The following ARHGAP15 variants were observed in gnomAD, a reference collection of about 807,000 sequenced individuals.
ARHGAP15 encodes Rho GTPase activating protein 15.
ARHGAP15 carries 51 observed loss-of-function variants against 63.7 expected under a neutral mutation model. The ratio of observed to expected loss-of-function variants is 0.80; its 90% CI spans 0.64 to 1.01. ARHGAP15 has a LOEUF of 1.01. ARHGAP15 is among the 50% of genes least tolerant of loss of function. The pLI is 0.00. For missense variants in ARHGAP15, 560 were observed against 564.6 expected, an observed-to-expected ratio of 0.99 and a Z score of 0.08; for synonymous variants, 191 against 193.8, an observed-to-expected ratio of 0.99 and a Z score of 0.12.
At chr2:143,143,496 C>T (rs1313939185) in intron 1 of ARHGAP15, among the ~76,000 whole-genome samples, 1 of 150,174 alleles carries the variant, frequency 6.7e-6, no homozygotes, top group Non-Finnish European at 1.5e-5. Flanking sequence ...CCTGAGGATA[C>T]ATAATTTTGT....
chr2:143,413,723 C>T (rs1370892751), intron 6 of ARHGAP15, among the ~76,000 whole-genome samples: 1 of 152,146 alleles, frequency 6.6e-6, no homozygotes, highest in Non-Finnish European at 1.5e-5. Flanking sequence ...ATCCTCCCAC[C>T]TTGACCTCCC....
At chr2:143,236,268 T>C (rs1693640821) in intron 5 of ARHGAP15, 1 of 244,074 alleles carries the variant, frequency 4.1e-6, no homozygotes, top group East Asian at 7.8e-5. Context: ...AATAAAACCA[T>C]GACTAAAGTG....
intron 6 of ARHGAP15, among the ~76,000 whole-genome samples, chr2:143,407,678 T>A (rs962471234): frequency 4.0e-5 from 6 of 151,758 alleles, no homozygotes; most frequent in African/African-American, 1.4e-4. Flanking sequence ...TTCAAAATCT[T>A]TGATTTCATT....
At chr2:143,313,482 C>G (rs1405779926) in intron 6 of ARHGAP15, among the ~76,000 whole-genome samples, 1 of 152,158 alleles carries the variant, frequency 6.6e-6, no homozygotes, top group Non-Finnish European at 1.5e-5. Flanking sequence ...TGTGTCACCT[C>G]AGACAACTTC....
At chr2:143,556,358 C>A in intron 10 of ARHGAP15, 50 bp from the exon 11 acceptor site, 3 of 1,359,114 alleles carry the variant, frequency 2.2e-6, no homozygotes, top group South Asian at 1.4e-5. Flanking sequence ...TTTTTTAAAC[C>A]ATCTCAATTC....
At chr2:143,589,430 C>T (rs1697238926) in intron 11 of ARHGAP15, among the ~76,000 whole-genome samples, 1 of 152,174 alleles carries the variant, frequency 6.6e-6, no homozygotes, top group Non-Finnish European at 1.5e-5. Flanking sequence ...TTTATGTTAT[C>T]TCATTTAGTA....
At chr2:143,467,242 C>CTTTTTTTTTTTTTTTTT (rs202115707) in intron 8 of ARHGAP15, among the ~76,000 whole-genome samples, 13 of 57,916 alleles carry the variant, frequency 2.2e-4, no homozygotes, top group East Asian at 4.8e-4. Flanking sequence ...ACTCCATGGC[C>CTTTTTTTTTTTTTTTTT]TTTTTTTTTT....
intron 6 of ARHGAP15, among the ~76,000 whole-genome samples, chr2:143,356,128 A>G (rs1426480381): frequency 1.3e-5 from 2 of 152,076 alleles, no homozygotes. Flanking sequence ...TTTCATCCGA[A>G]GAGATAGTGT....
Position 143,519,400 on chromosome 2 carries a change from C to CAATG in ARHGAP15, c.925+36_925+37insAATG, listed in dbSNP as rs755361696. ...GAATGTGCAGCAGTTCCCCCCATTACTGCACCCTCTACACAACCAATACTC... is the reference window on the plus strand; with the variant it reads ...GAATGTGCAGCAGTTCCCCCCATTACAATGTGCACCCTCTACACAACCAATACTC... On this transcript the variant is annotated intron_variant, in intron 10 of 13. Coordinates refer to ENST00000295095, the MANE Select transcript of ARHGAP15 (RefSeq NM_018460.4). 4 of 1,522,500 alleles carry CAATG rather than the reference C, an allele frequency of 2.6e-6. No homozygotes were observed. The South Asian group carries it at 3.4e-5, about 13-fold the overall frequency. The allele number at this position is 1,522,500 out of a possible 1,614,324, so 94.3% of individuals were successfully genotyped here. A position where few individuals can be genotyped will look rare whatever the true frequency, so the allele number is the denominator to read the frequency against.
At chr2:143,286,382 A>G (rs1682101057) in intron 6 of ARHGAP15, among the ~76,000 whole-genome samples, 1 of 152,214 alleles carries the variant, frequency 6.6e-6, no homozygotes, top group Non-Finnish European at 1.5e-5. Context: ...CATTTTACAC[A>G]CATAAAATAC....
intron 2 of ARHGAP15, among the ~76,000 whole-genome samples, chr2:143,173,040 T>G (rs1042195867): frequency 1.3e-5 from 2 of 151,926 alleles, no homozygotes; most frequent in Non-Finnish European, 2.9e-5. Flanking sequence ...TGAATTTCAA[T>G]AAAGAAGGGG....
At chr2:143,416,821 A>G (rs980640467) in intron 6 of ARHGAP15, among the ~76,000 whole-genome samples, 5 of 73,836 alleles carry the variant, frequency 6.8e-5, no homozygotes, top group African/African-American at 1.8e-4. Flanking sequence ...TTCCCCCACC[A>G]CCCCCCCACC....
Position 143,470,900 on chromosome 2 carries a change from G to GTA in ARHGAP15, c.704-16464_704-16463dup, listed in dbSNP as rs750541964. 1.0e-4 allele frequency among the ~76,000 whole-genome samples: 15 copies of GTA among 148,276 alleles called. No individual in the cohort carries two copies. In the East Asian group the frequency reaches 3.0e-3, roughly 30 times the overall value. ...TATATATACACGTATATTTATGTGT[G>GTA]TATATATATACACGTATGTGTATAT... On this transcript the variant is annotated intron_variant, in intron 8 of 13. Coordinates refer to ENST00000295095, the MANE Select transcript of ARHGAP15 (RefSeq NM_018460.4).
chr2:143,666,344 G>A (rs1429666036), intron 12 of ARHGAP15, among the ~76,000 whole-genome samples: 2 of 152,040 alleles, frequency 1.3e-5, no homozygotes, highest in Non-Finnish European at 2.9e-5. Flanking sequence ...AATAAATGGT[G>A]CTGGGATAAC....
Position 143,340,690 on chromosome 2 carries a change from C to T in ARHGAP15, c.474+90090C>T, listed in dbSNP as rs1441097790. Among the ~76,000 whole-genome samples the T allele has an allele frequency of 1.3e-4, 20 of 152,050 alleles. 1 individual carries two copies. Among genetic ancestry groups the T allele is most frequent in the Non-Finnish European group, 1.5e-5 (1 of 68,020 alleles). On this transcript the variant is annotated intron_variant, in intron 6 of 13. Transcript: ENST00000295095. Reference sequence around the variant, plus strand: ...CAGAGATTGCCGGAATGCTGATTCTCATAACAAAGGCCACCAATAGGCTCA... The same window carrying T: ...CAGAGATTGCCGGAATGCTGATTCTTATAACAAAGGCCACCAATAGGCTCA...
At chr2:143,249,509 T>G (rs193066785) in intron 5 of ARHGAP15, among the ~76,000 whole-genome samples, 2 of 152,154 alleles carry the variant, frequency 1.3e-5, no homozygotes, top group African/African-American at 4.8e-5. Flanking sequence ...ATAAGCTTCA[T>G]ATACTAAAAT....
At chr2:143,210,153 C>G (rs138441185) in intron 3 of ARHGAP15, among the ~76,000 whole-genome samples, 209 of 152,120 alleles carry the variant, frequency 1.4e-3, no homozygotes, top group Middle Eastern at 0.014. Context: ...ACATCAAAGA[C>G]ACAAATAAAT....
chr2:143,645,000 CA>C (rs1181788772), intron 12 of ARHGAP15, among the ~76,000 whole-genome samples: 2 of 152,012 alleles, frequency 1.3e-5, no homozygotes, highest in African/African-American at 4.8e-5. Context: ...CCACTTCGTA[CA>C]GTGAGCATGT....
At chr2:143,315,901 A>G (rs781188945) in intron 6 of ARHGAP15, among the ~76,000 whole-genome samples, 66 of 152,016 alleles carry the variant, frequency 4.3e-4, no homozygotes, top group Non-Finnish European at 8.4e-4. Context: ...CCTGGCCAAC[A>G]CGGTGAAACT....
Sources: allele counts gnomAD v4.1 joint callset (sites outside exome capture counted in the v4.1 genomes callset), GRCh38; gene constraint gnomAD v4.1.1; transcripts MANE v1.5; gene names NCBI Gene and HGNC (gene_info 2026-07-23, HGNC 2026-07-21).